The following POSTN variants were observed in gnomAD, a reference collection of about 807,000 sequenced individuals.
The protein encoded by POSTN is periostin.
A neutral mutation model predicts 104.5 loss-of-function variants in POSTN; 71 were observed. The ratio of observed to expected loss-of-function variants is 0.68; its 90% CI spans 0.56 to 0.83. The LOEUF is 0.83. POSTN is among the 40% of genes least tolerant of loss of function. The pLI, the probability that POSTN is intolerant of heterozygous loss-of-function variation, is 0.00. For synonymous variants in POSTN, 355 were observed against 340.7 expected (o/e 1.04, Z -0.46); for missense variants, 949 against 1,006.8 (o/e 0.94, Z 0.78).
chr13:37,571,340 G>T, intron 18 of POSTN, 29 bp downstream of exon 18: 2 of 1,419,156 alleles, frequency 1.4e-6, no homozygotes, highest in Non-Finnish European at 2.0e-6. Context: ...AGCGAAGGTA[G>T]TCGGCCCCAG....
intron 21 of POSTN, among the ~76,000 whole-genome samples, chr13:37,567,053 G>T (rs1284453322): frequency 1.3e-5 from 2 of 149,248 alleles, no homozygotes; most frequent in African/African-American, 2.5e-5. Flanking sequence ...CGGCTAAAAC[G>T]GTGAAACCCC....
rs532858186 is a variant in POSTN, at chr13:37,588,776, G to T, written c.442-790C>A. ...AGATAATACTAAGAAATTTAGAAGG[G>T]TATGTGGGACAATAACGTGGATAAC... On this transcript the variant is annotated intron_variant, in intron 4 of 22. Transcript: ENST00000379747. Among the ~76,000 whole-genome samples, 7 of 152,264 alleles carry T rather than the reference G, an allele frequency of 4.6e-5. No individual in the cohort carries two copies. In the South Asian group the frequency reaches 1.5e-3, roughly 32 times the overall value.
At position 37,577,841 on chromosome 13, in the gene POSTN, T is replaced by C. The variant is rs926546614; in HGVS notation, c.1963-43A>G. On this transcript the variant is annotated intron_variant, in intron 15 of 22. Coordinates refer to ENST00000379747, the MANE Select transcript of POSTN (RefSeq NM_006475.3). ...TATTTAGTAACATGAAAGGTGATAG[T>C]TGTGTTAACAAAACCATGGCACCAC... The C allele has an allele frequency of 1.9e-6, 3 of 1,610,548 alleles. No homozygotes were observed. The African/African-American group carries it at 4.0e-5, about 22-fold the overall frequency.
At chr13:37,593,508 T>A (rs552986680) in intron 2 of POSTN, among the ~76,000 whole-genome samples, 1 of 151,410 alleles carries the variant, frequency 6.6e-6, no homozygotes, top group South Asian at 2.1e-4. Context: ...TAAATGCACA[T>A]CGTTTTGTAA....
chr13:37,580,549 T>C lies in POSTN; in HGVS notation c.1529+12A>G. The C allele has an allele frequency of 3.7e-6, 6 of 1,613,990 alleles. No homozygotes were observed. Among genetic ancestry groups the C allele is most frequent in the Non-Finnish European group, 5.1e-6 (6 of 1,179,882 alleles). ...CTCTCATTCTCTGTGGAGGTGCCAC[T>C]AATAGGCTTACCTAAAGCGCTTATC... is the stretch of plus-strand genomic sequence containing the variant. On this transcript the variant is annotated intron_variant, in intron 11 of 22. Transcript: ENST00000379747.
At chr13:37,583,912 C>T (rs1950671660) in intron 9 of POSTN, 57 bp downstream of exon 9, 1 of 1,552,762 alleles carries the variant, frequency 6.4e-7, no homozygotes, top group African/African-American at 1.4e-5. Context: ...AAACAATCAT[C>T]ATAAAGAAAA....
At chr13:37,567,624 A>T (rs1255847742) in intron 21 of POSTN, among the ~76,000 whole-genome samples, 1 of 152,166 alleles carries the variant, frequency 6.6e-6, no homozygotes, top group African/African-American at 2.4e-5. Flanking sequence ...TTTTTTCACA[A>T]TGCTATAATA....
intron 17 of POSTN, 124 bp from the exon 18 acceptor site, chr13:37,571,582 A>G (rs1490756934): frequency 4.8e-6 from 3 of 626,114 alleles, no homozygotes; most frequent in African/African-American, 1.9e-5. Context: ...TTCAGGCTCT[A>G]TGAAATCACT....
In POSTN at chr13:37,571,398, C is replaced by A; in HGVS notation, c.2150G>T (p.Gly717Val). ...GEPEFRLIKE[G>V]ETITEVIHGE... ...ATGGATCACTTCAGTTATTGTTTCA[C>A]CTTCTTTAATCAGTCTGAATTCAGG... The change falls in exon 18 of 23, where the codon GGT becomes GTT. Residue 717 changes from glycine to valine, a missense_variant. By Grantham distance (109) the Gly-to-Val change is moderately radical (BLOSUM62 -3). Transcript: ENST00000379747. 6.2e-7 allele frequency: 1 copy of A among 1,609,566 alleles called. No homozygotes were observed. Among genetic ancestry groups the A allele is most frequent in the Non-Finnish European group, 8.5e-7 (1 of 1,176,524 alleles).
Position 37,567,607 on chromosome 13 carries a change from T to G in POSTN, c.2431+1693A>C, listed in dbSNP as rs191954059. ...AATGATTTGATAAAAACTTTTAATT[T>G]TTTTTGTTTTTTCACAATGCTATAA... On this transcript the variant is annotated intron_variant, in intron 21 of 22. Coordinates refer to ENST00000379747, the MANE Select transcript of POSTN (RefSeq NM_006475.3). Among the ~76,000 whole-genome samples, 9 of 152,284 alleles carry G rather than the reference T, an allele frequency of 5.9e-5. No homozygotes were observed. In the East Asian group the frequency reaches 1.7e-3, roughly 29 times the overall value.
chr13:37,579,474 C>G (rs1950516149), intron 12 of POSTN, 115 bp from the exon 13 acceptor site: 1 of 880,772 alleles, frequency 1.1e-6, no homozygotes, highest in Non-Finnish European at 1.7e-6. Context: ...CTCATAATAT[C>G]ATTATTCTCT....
intron 16 of POSTN, among the ~76,000 whole-genome samples, chr13:37,575,288 T>C (rs2138221978): frequency 6.6e-6 from 1 of 151,920 alleles, no homozygotes; most frequent in East Asian, 1.9e-4. Context: ...CTTTTTTTTT[T>C]TTAATTTAAA....
At chr13:37,587,750 A>G in intron 5 of POSTN, 72 bp downstream of exon 5, 1 of 1,181,278 alleles carries the variant, frequency 8.5e-7, no homozygotes, top group South Asian at 1.5e-5. Flanking sequence ...TTTTGTGAGC[A>G]TTATATAAAA....
chr13:37,570,509 A>G, intron 19 of POSTN, 71 bp downstream of exon 19: 1 of 996,982 alleles, frequency 1.0e-6, no homozygotes, highest in Non-Finnish European at 1.5e-6. Context: ...AATGATTCTT[A>G]TATTTGGGGA....
intron 21 of POSTN, among the ~76,000 whole-genome samples, chr13:37,567,223 G>A (rs1478024601): frequency 7.9e-5 from 2 of 25,250 alleles, no homozygotes; most frequent in African/African-American, 4.1e-4. Flanking sequence ...GCGACAGAGC[G>A]AGACTCCGTC....
intron 7 of POSTN, 125 bp downstream of exon 7, chr13:37,586,014 C>T (rs1566028202): frequency 2.4e-6 from 2 of 840,390 alleles, no homozygotes; most frequent in Non-Finnish European, 3.5e-6. Flanking sequence ...CATAGTACAT[C>T]TCAGAATAAA....
At chr13:37,578,684 A>C (rs1950485226) in intron 15 of POSTN, among the ~76,000 whole-genome samples, 160 bp downstream of exon 15, 1 of 151,402 alleles carries the variant, frequency 6.6e-6, no homozygotes, top group African/African-American at 2.4e-5. Flanking sequence ...CTGTAGTCCC[A>C]GCTACTCGGG....
intron 2 of POSTN, among the ~76,000 whole-genome samples, chr13:37,595,784 G>A (rs191435705): frequency 6.6e-6 from 1 of 151,258 alleles, no homozygotes; most frequent in East Asian, 1.9e-4. Flanking sequence ...AAGTCTACAA[G>A]AAGTTAAGTG....
rs528541250 is a variant in POSTN at position 37,592,385 on chromosome 13, G to A, written c.219-221C>T. On this transcript the variant is annotated intron_variant, in intron 2 of 22. Transcript: ENST00000379747. The stretch of plus-strand genomic sequence containing the variant: ...GCGATCTGGGTTCACTGCAAGCTCC[G>A]CCTCTCGGGTTCACGCCATTCTCCT... 1.5e-4 allele frequency among the ~76,000 whole-genome samples: 23 copies of A among 152,106 alleles called. No individual in the cohort carries two copies. In the South Asian group the frequency reaches 4.6e-3, roughly 30 times the overall value.
Sources: allele counts gnomAD v4.1 joint callset (sites outside exome capture counted in the v4.1 genomes callset), GRCh38; gene constraint gnomAD v4.1.1; transcripts MANE v1.5; gene names NCBI Gene and HGNC (gene_info 2026-07-23, HGNC 2026-07-21).